CGAS: variants seen among roughly 807,000 people sequenced by gnomAD.
CGAS encodes the protein cyclic GMP-AMP synthase, also known as 2'3'-cGAMP synthase.
In CGAS, 31 loss-of-function variants were observed where a neutral mutation model predicts 34.0. That is an observed-to-expected ratio of 0.91 (90% CI 0.69 to 1.23). The LOEUF (loss-of-function observed/expected upper bound fraction) is 1.23, where lower values mean the gene tolerates loss of function less well. Ranked by LOEUF, CGAS falls within the 50% of genes most tolerant of loss-of-function variation. CGAS has a pLI of 0.00. For missense variants in CGAS, 597 were observed against 657.6 expected, an observed-to-expected ratio of 0.91 and a Z score of 1.01; for synonymous variants, 266 against 260.0, an observed-to-expected ratio of 1.02 and a Z score of -0.22.
chr6:73,433,045 C>T (rs576247602), intron 3 of CGAS, among the ~76,000 whole-genome samples: 1 of 152,204 alleles, frequency 6.6e-6, no homozygotes. Flanking sequence ...GATCGCACCA[C>T]TGCACTCCAG....
Position 73,451,962 on chromosome 6 carries a change from C to G in CGAS, c.220G>C (p.Val74Leu). Reference sequence around the variant, plus strand: ...TTGGCGCGGGCCCCAGTTGCGCGGACGGGCGGCCTCTCCTGGGTGTCCGGG... The same window carrying G: ...TTGGCGCGGGCCCCAGTTGCGCGGAGGGGCGGCCTCTCCTGGGTGTCCGGG... The part of the protein sequence containing the change: ...SAPDTQERPP[V>L]RATGARAKKA... Residue 74 changes from valine to leucine, a missense_variant, in exon 1 of 5, where the codon GTC becomes CTC. Around this residue, in one of 3 missense-constraint regions of CGAS, gnomAD observed 321 missense variants for 314.3 expected, o/e 1.02. Coordinates refer to ENST00000370315, the MANE Select transcript of CGAS (RefSeq NM_138441.3). The G allele has an allele frequency of 6.7e-7, 1 of 1,485,466 alleles. No individual in the cohort carries two copies. The highest frequency in any genetic ancestry group is 9.0e-7 in the Non-Finnish European group (1 of 1,116,372). 92.0% of individuals were successfully genotyped at this position (1,485,466 alleles called of 1,614,324 possible).
chr6:73,449,458 G>A (rs188806922), intron 1 of CGAS, among the ~76,000 whole-genome samples: 1,724 of 127,884 alleles, frequency 0.013, 37 homozygotes, highest in African/African-American at 0.045. Flanking sequence ...CTGGGTGACA[G>A]AGTGAGACTC....
At chr6:73,429,643 A>G (rs370131117) in intron 3 of CGAS, among the ~76,000 whole-genome samples, 313 of 147,342 alleles carry the variant, frequency 2.1e-3, no homozygotes, top group East Asian at 0.01. Context: ...TGGCTAACAC[A>G]GTGAAACCCT....
intron 2 of CGAS, among the ~76,000 whole-genome samples, chr6:73,444,604 T>A (rs925214744): frequency 6.6e-6 from 1 of 152,194 alleles, no homozygotes; most frequent in African/African-American, 2.4e-5. Context: ...CCACTGCGCC[T>A]GGCACCAGAT....
chr6:73,445,586 A>G lies in CGAS; in HGVS notation c.819T>C (p.Ala273=). 1 of 1,610,740 alleles carries G rather than the reference A, an allele frequency of 6.2e-7. No homozygotes were observed. Among genetic ancestry groups the G allele is most frequent in the Non-Finnish European group, 8.5e-7 (1 of 1,179,142 alleles). The change falls in exon 2 of 5, where the codon GCT becomes GCC. Residue 273 remains alanine (A), a synonymous_variant. Transcript: ENST00000370315. ...TCCTAAACTTTGACAGCATCTTAGA[A>G]GCTGATAATATTTCACCTTCTAAAA... ...SQFLEGEILS[A]SKMLSKFRKI... is the part of the protein sequence containing the mutation.
chr6:73,428,792 G>C lies in CGAS; in HGVS notation c.1134C>G (p.Ser378=), dbSNP rs991329041. Residue 378 remains serine, a synonymous_variant, in exon 4 of 5, where the codon TCC becomes TCG. Transcript: ENST00000370315. The part of the protein sequence containing the change: ...NGFQEETWRL[S]FSHIEKEILN... ...AAATTTCCTTTTCGATGTGAGAGAA[G>C]GATAGCCGCCATGTTTCTTCTTAAT... is the stretch of plus-strand genomic sequence containing the variant. 1 of 1,613,166 alleles carries C rather than the reference G, an allele frequency of 6.2e-7. No homozygotes were observed.
intron 3 of CGAS, among the ~76,000 whole-genome samples, chr6:73,429,601 CG>C (rs1770151061): frequency 6.6e-6 from 1 of 151,822 alleles, no homozygotes; most frequent in African/African-American, 2.4e-5. Context: ...CCAAGGTGGG[CG>C]GATCACAAGG....
chr6:73,434,964 A>G (rs117713006), intron 3 of CGAS, among the ~76,000 whole-genome samples: 2,423 of 152,220 alleles, frequency 0.016, 171 homozygotes, highest in Admixed American at 0.12. Flanking sequence ...GCCCTTAGCT[A>G]ACAATAATAT....
chr6:73,432,138 A>T (rs138929537), intron 3 of CGAS, among the ~76,000 whole-genome samples: 136 of 150,676 alleles, frequency 9.0e-4, no homozygotes, highest in African/African-American at 3.1e-3. Flanking sequence ...TAAGAAAATT[A>T]TTATTTGTTT....
rs1488458094 is a variant in CGAS at position 73,451,831 on chromosome 6, C to T, written c.351G>A (p.Arg117=). ...PPAAREPALS[R]AGSCRQRGAR... ...CGCCCCTCTGGCGGCAAGAACCAGC[C>T]CTGGAAAGAGCCGGCTCCCGAGCCG... The change falls in exon 1 of 5, where the codon AGG becomes AGA. Residue 117 remains arginine (R), a synonymous_variant. Transcript: ENST00000370315. The T allele has an allele frequency of 6.4e-7, 1 of 1,553,588 alleles. No homozygotes were observed. The highest frequency in any genetic ancestry group is 8.7e-7 in the Non-Finnish European group (1 of 1,149,432).
Position 73,451,963 on chromosome 6 carries a change from G to T in CGAS, c.219C>A (p.Pro73=), listed in dbSNP as rs201768974. Residue 73 remains proline, a synonymous_variant, in exon 1 of 5, where the codon CCC becomes CCA. Coordinates refer to ENST00000370315, the MANE Select transcript of CGAS (RefSeq NM_138441.3). ...KSAPDTQERP[P]VRATGARAKK... is the part of the protein sequence containing the mutation. ...TGGCGCGGGCCCCAGTTGCGCGGACGGGCGGCCTCTCCTGGGTGTCCGGGG... is the reference window on the plus strand; with the variant it reads ...TGGCGCGGGCCCCAGTTGCGCGGACTGGCGGCCTCTCCTGGGTGTCCGGGG... 4 of 1,485,848 alleles carry T rather than the reference G, an allele frequency of 2.7e-6. No homozygotes were observed. The African/African-American group carries it at 4.3e-5, about 16-fold the overall frequency. The allele number at this position is 1,485,848 out of a possible 1,614,324, so 92.0% of individuals were successfully genotyped here.
chr6:73,434,258 T>C (rs531973020), intron 3 of CGAS, among the ~76,000 whole-genome samples: 1 of 152,212 alleles, frequency 6.6e-6, no homozygotes, highest in African/African-American at 2.4e-5. Flanking sequence ...AACTGTATTA[T>C]ATCATTTTAT....
chr6:73,444,206 T>G (rs931869332), intron 2 of CGAS, among the ~76,000 whole-genome samples: 1 of 152,084 alleles, frequency 6.6e-6, no homozygotes, highest in Non-Finnish European at 1.5e-5. Context: ...GCCAGGCTGG[T>G]CTTGAACTCC....
intron 4 of CGAS, among the ~76,000 whole-genome samples, chr6:73,426,040 T>G (rs1017087393): frequency 3.3e-5 from 5 of 151,862 alleles, no homozygotes; most frequent in Admixed American, 3.3e-4. Context: ...ATCCCAGCAC[T>G]TTGGGAGGCC....
Position 73,445,716 on chromosome 6 carries a change from A to C in CGAS, c.689T>G (p.Phe230Cys), listed in dbSNP as rs1200759497. 1 of 1,610,570 alleles carries C rather than the reference A, an allele frequency of 6.2e-7. No homozygotes were observed. The highest frequency in any genetic ancestry group is 8.5e-7 in the Non-Finnish European group (1 of 1,178,920). Reference protein sequence around the residue: ...ISAPNEFDVMFKLEVPRIQLE... With the variant: ...ISAPNEFDVMCKLEVPRIQLE... ...TTGAATTCTGGGGACTTCCAGTTTA[A>C]ACATGACATCAAATTCATTAGGTGC... Residue 230 changes from phenylalanine (F) to cysteine (C), a missense_variant, in exon 2 of 5, where the codon TTT (phenylalanine) becomes TGT (cysteine). Phe to Cys is a radical substitution (Grantham distance 205). Coordinates refer to ENST00000370315, the MANE Select transcript of CGAS (RefSeq NM_138441.3).
intron 4 of CGAS, among the ~76,000 whole-genome samples, chr6:73,428,001 T>C (rs1490895841): frequency 6.6e-6 from 1 of 151,858 alleles, no homozygotes; most frequent in Admixed American, 6.6e-5. Context: ...TTTATGGAGG[T>C]GGGGTCTCAC....
rs566402544 is a variant in CGAS at position 73,446,052 on chromosome 6, G to C, written c.658-305C>G. ...CCTATAATTAAATTTTGTGGGGCCAGGTGCAGTGGCTCATGCCTGTAATCC... is the reference window on the plus strand; with the variant it reads ...CCTATAATTAAATTTTGTGGGGCCACGTGCAGTGGCTCATGCCTGTAATCC... On this transcript the variant is annotated intron_variant, in intron 1 of 4. Coordinates refer to ENST00000370315, the MANE Select transcript of CGAS (RefSeq NM_138441.3). Among the ~76,000 whole-genome samples, 21 of 152,224 alleles carry C rather than the reference G, an allele frequency of 1.4e-4. No homozygotes were observed. In the East Asian group the frequency reaches 3.5e-3, roughly 25 times the overall value.
chr6:73,432,207 G>A (rs1272643284), intron 3 of CGAS, among the ~76,000 whole-genome samples: 1 of 152,022 alleles, frequency 6.6e-6, no homozygotes, highest in East Asian at 1.9e-4. Context: ...TGTTGCCCAG[G>A]CTGGAGTGCA....
rs188935219 is a variant in CGAS, at chr6:73,446,202, C to T, written c.658-455G>A. Among the ~76,000 whole-genome samples, 614 of 151,900 alleles carry T rather than the reference C, an allele frequency of 4.0e-3. 1 individual carries two copies. The highest frequency in any genetic ancestry group is 0.013 in the African/African-American group (556 of 41,420). On this transcript the variant is annotated intron_variant, in intron 1 of 4. Coordinates refer to ENST00000370315, the MANE Select transcript of CGAS (RefSeq NM_138441.3). Reference sequence around the variant, plus strand: ...AAAATTAGCCGGGCATAGTGGCATGCGCCTGTAATCCCAGCTACTCAGGAG... The same window carrying T: ...AAAATTAGCCGGGCATAGTGGCATGTGCCTGTAATCCCAGCTACTCAGGAG...
Sources: gnomAD v4.1 joint callset for allele counts (sites outside exome capture counted in the v4.1 genomes callset) on GRCh38, gnomAD v4.1.1 for gene constraint, gnomAD v4.1.1 regional missense constraint, MANE v1.5 for transcripts, NCBI Gene and HGNC (gene_info 2026-07-23, HGNC 2026-07-21) for gene names.